The following BNIP3 variants were observed in gnomAD, a reference collection of about 807,000 sequenced individuals.
BNIP3 encodes BCL2/adenovirus E1B 19 kDa protein-interacting protein 3.
In BNIP3, 16 loss-of-function variants were observed where a neutral mutation model predicts 23.9. That is an observed-to-expected ratio of 0.67 (90% CI 0.45 to 1.01). The LOEUF (loss-of-function observed/expected upper bound fraction) is 1.01, where lower values mean the gene tolerates loss of function less well. Among genes scored for constraint, BNIP3 ranks in the 50% least tolerant of loss-of-function variants. BNIP3 has a pLI of 0.00. For synonymous variants in BNIP3, 81 were observed against 89.3 expected (o/e 0.91, Z 0.53); for missense variants, 198 against 248.7 (o/e 0.80, Z 1.37).
At chr10:131,975,724 A>C (rs1260653361) in intron 1 of BNIP3, among the ~76,000 whole-genome samples, 1 of 152,214 alleles carries the variant, frequency 6.6e-6, no homozygotes, top group Non-Finnish European at 1.5e-5. Context: ...CAGGAAGGAA[A>C]AGTGGATTTG....
chr10:131,973,905 C>T lies in BNIP3; in HGVS notation c.85G>A (p.Gly29Arg), dbSNP rs201439592. Residue 29 changes from glycine to arginine, a missense_variant, in exon 2 of 6, where the codon GGG becomes AGG. Transcript: ENST00000368636. The part of the protein sequence containing the change: ...VELHFSNNGN[G>R]GSVPASVSIY... ...GAAACCGAGGCTGGAACGCTGCCCC[C>T]GTTCCCATTATTGCTGAAGTGCAGT... 61 of 1,613,762 alleles carry T rather than the reference C, an allele frequency of 3.8e-5. No individual in the cohort carries two copies. The East Asian group carries it at 8.9e-4, about 24-fold the overall frequency.
intron 1 of BNIP3, among the ~76,000 whole-genome samples, chr10:131,977,943 A>T (rs1045794525): frequency 6.6e-6 from 1 of 152,196 alleles, no homozygotes. Context: ...CGTGCTGTGT[A>T]TCTACTCACG....
chr10:131,981,743 C>G lies in BNIP3; in HGVS notation c.46+18G>C. The G allele has an allele frequency of 6.8e-7, 1 of 1,465,040 alleles. No individual in the cohort carries two copies. Among genetic ancestry groups the G allele is most frequent in the Non-Finnish European group, 9.0e-7 (1 of 1,113,354 alleles). The allele number at this position is 1,465,040 out of a possible 1,614,324, so 90.8% of individuals were successfully genotyped here. A position where few individuals can be genotyped will look rare whatever the true frequency, so the allele number is the denominator to read the frequency against. On this transcript the variant is annotated intron_variant, in intron 1 of 5. Transcript: ENST00000368636. ...CCCCCGCGCCCCCTCGGCTCCCGCGCCGCCTCCTCCGCCTCACCCTGCAGG... is the reference window on the plus strand; with the variant it reads ...CCCCCGCGCCCCCTCGGCTCCCGCGGCGCCTCCTCCGCCTCACCCTGCAGG...
At chr10:131,981,044 G>T (rs888798923) in intron 1 of BNIP3, 4 of 152,004 alleles carry the variant, frequency 2.6e-5, no homozygotes, top group African/African-American at 9.7e-5. Flanking sequence ...TGCGTGAACG[G>T]ATGGTCTTGC....
chr10:131,970,805 G>C lies in BNIP3; in HGVS notation c.390-18C>G. The C allele has an allele frequency of 6.2e-7, 1 of 1,614,224 alleles. No individual in the cohort carries two copies. The highest frequency in any genetic ancestry group is 8.5e-7 in the Non-Finnish European group (1 of 1,180,050). On this transcript the variant is annotated intron_variant, in intron 4 of 5. Coordinates refer to ENST00000368636, the MANE Select transcript of BNIP3 (RefSeq NM_004052.4). This position sits in a 1 kb window ranked among gnomAD's most constrained non-coding sequence, Gnocchi z 4.1. ...GGAACTCCCTGAGGCGGGAAGAAAC[G>C]TGTCAGCTGATGTGTCCTCTGTCAA...
chr10:131,977,531 G>T (rs990218054), intron 1 of BNIP3, among the ~76,000 whole-genome samples: 1 of 152,154 alleles, frequency 6.6e-6, no homozygotes. Flanking sequence ...CAAGATCCAC[G>T]CACCAACATC....
chr10:131,981,311 A>G (rs1314020612), intron 1 of BNIP3: 2 of 186,058 alleles, frequency 1.1e-5, no homozygotes, highest in African/African-American at 4.9e-5. Flanking sequence ...ATAAACATTA[A>G]TAACAAAATT....
chr10:131,977,354 C>A (rs2037086776), intron 1 of BNIP3, among the ~76,000 whole-genome samples: 1 of 152,196 alleles, frequency 6.6e-6, no homozygotes, highest in Admixed American at 6.5e-5. Context: ...CAAGACCAAA[C>A]ACATACTGTA....
chr10:131,975,093 T>A (rs2037069745), intron 1 of BNIP3, among the ~76,000 whole-genome samples: 1 of 152,074 alleles, frequency 6.6e-6, no homozygotes, highest in East Asian at 1.9e-4. Context: ...TGAGCTGAGA[T>A]ATTCTATTCT....
At chr10:131,972,584 G>C (rs1429781166) in intron 3 of BNIP3, among the ~76,000 whole-genome samples, 1 of 152,172 alleles carries the variant, frequency 6.6e-6, no homozygotes, top group African/African-American at 2.4e-5. Context: ...GGCCTTAGAT[G>C]GCCCCGTGGG....
chr10:131,979,495 G>T (rs1257267144), intron 1 of BNIP3, among the ~76,000 whole-genome samples: 1 of 152,136 alleles, frequency 6.6e-6, no homozygotes, highest in Non-Finnish European at 1.5e-5. Context: ...GGTGAAGACA[G>T]TGGGTCCTTC....
At chr10:131,975,091 G>A (rs2037069683) in intron 1 of BNIP3, among the ~76,000 whole-genome samples, 1 of 152,142 alleles carries the variant, frequency 6.6e-6, no homozygotes, top group South Asian at 2.1e-4. Context: ...CCTGAGCTGA[G>A]ATATTCTATT....
intron 1 of BNIP3, chr10:131,980,935 T>C (rs944760003): frequency 6.6e-6 from 1 of 151,752 alleles, no homozygotes; most frequent in Non-Finnish European, 1.5e-5. Context: ...GAGCAAAGGC[T>C]CGTCTGGACT....
At chr10:131,981,714 T>A in intron 1 of BNIP3, 47 bp downstream of exon 1, 2 of 1,386,900 alleles carry the variant, frequency 1.4e-6, no homozygotes, top group South Asian at 2.7e-5. Context: ...TTCCCCAGGC[T>A]TCCCCCCCGC....
intron 3 of BNIP3, 130 bp downstream of exon 3, chr10:131,972,902 TTG>T (rs2037047817): frequency 5.8e-6 from 5 of 865,774 alleles, no homozygotes; most frequent in African/African-American, 3.4e-5. Context: ...TTTCGCTTTT[TTG>T]TTTTTTTTAA....
chr10:131,970,799 AG>A lies in BNIP3; in HGVS notation c.390-13del, dbSNP rs2133690148. ...TAAAGAGGAACTCCCTGAGGCGGGA[AG>A]AAACGTGTCAGCTGATGTGTCCTCT... On this transcript the variant is annotated splice_polypyrimidine_tract_variant and intron_variant, in intron 4 of 5. Transcript: ENST00000368636. The surrounding 1 kb of genome is among the most constrained non-coding windows in gnomAD (Gnocchi z 4.1). 1 of 1,614,214 alleles carries A rather than the reference AG, an allele frequency of 6.2e-7. No individual in the cohort carries two copies.
In BNIP3 at chr10:131,973,085, G is replaced by A. The variant is rs752750052; in HGVS notation, c.231C>T (p.Asn77=). ...TATGGGTATCTGTTTCAGAAGCTCT[G>A]TTGGTATCTTGTGGTGTCTGCGAGC... is the stretch of plus-strand genomic sequence containing the variant. The part of the protein sequence containing the change: ...PPRSQTPQDT[N]RASETDTHSI... The change falls in exon 3 of 6, where the codon AAC becomes AAT. Residue 77 remains asparagine (N), a synonymous_variant. Transcript: ENST00000368636. 4 of 1,613,812 alleles carry A rather than the reference G, an allele frequency of 2.5e-6. No individual in the cohort carries two copies. The highest frequency in any genetic ancestry group is 3.4e-6 in the Non-Finnish European group (4 of 1,179,712).
intron 1 of BNIP3, 127 bp downstream of exon 1, chr10:131,981,634 G>T: frequency 8.5e-7 from 1 of 1,181,022 alleles, no homozygotes; most frequent in Non-Finnish European, 1.1e-6. Flanking sequence ...GGGGAGGATG[G>T]CGCAGCCTCG....
chr10:131,972,987 A>G (rs754954559), intron 3 of BNIP3, 47 bp downstream of exon 3: 1 of 1,568,314 alleles, frequency 6.4e-7, no homozygotes, highest in South Asian at 1.1e-5. Context: ...TCCTGTACAA[A>G]CAGATCACAA....
Sources: gnomAD v4.1 joint callset for allele counts (sites outside exome capture counted in the v4.1 genomes callset) on GRCh38, gnomAD v4.1.1 for gene constraint, Gnocchi (gnomAD v3.1) non-coding constraint, MANE v1.5 for transcripts, NCBI Gene and HGNC (gene_info 2026-07-23, HGNC 2026-07-21) for gene names.